Variants in SRGAP1 observed in about 807,000 individuals in gnomAD.
SRGAP1 encodes the protein SLIT-ROBO Rho GTPase-activating protein 1.
Under a neutral mutation model 121.9 loss-of-function variants are expected in SRGAP1, and 43 were observed. The observed-to-expected ratio is 0.35, with a 90% CI of 0.28 to 0.46. SRGAP1 has a LOEUF of 0.46. SRGAP1 is among the 20% of genes least tolerant of loss of function. The pLI, the probability that SRGAP1 is intolerant of heterozygous loss-of-function variation, is 1.00. For synonymous variants in SRGAP1, 447 were observed against 485.4 expected (o/e 0.92, Z 1.04); for missense variants, 1,102 against 1,350.9 (o/e 0.82, Z 2.89).
chr12:64,007,643 C>T (rs1474296201), intron 3 of SRGAP1, among the ~76,000 whole-genome samples: 1 of 152,100 alleles, frequency 6.6e-6, no homozygotes, highest in Non-Finnish European at 1.5e-5. Flanking sequence ...TATTTGAAGA[C>T]CTGTCATACA....
At chr12:64,032,590 G>GC in intron 4 of SRGAP1, 1 of 643,590 alleles carries the variant, frequency 1.6e-6, no homozygotes, top group Non-Finnish European at 2.6e-6. Flanking sequence ...CATAAGTCCT[G>GC]CCCCCGACAG....
At chr12:63,976,009 T>C (rs1359287284) in intron 1 of SRGAP1, among the ~76,000 whole-genome samples, 4 of 152,194 alleles carry the variant, frequency 2.6e-5, no homozygotes, top group Admixed American at 2.0e-4. Context: ...TATTATTCAT[T>C]TGTATTCTCT....
chr12:63,848,954 G>C (rs2136251014), intron 1 of SRGAP1, among the ~76,000 whole-genome samples: 1 of 152,278 alleles, frequency 6.6e-6, no homozygotes, highest in African/African-American at 2.4e-5. Flanking sequence ...CACATGCAGA[G>C]AAATGTAGCA....
At chr12:64,118,776 C>T (rs1209343639) in intron 18 of SRGAP1, among the ~76,000 whole-genome samples, 3 of 152,020 alleles carry the variant, frequency 2.0e-5, no homozygotes, top group African/African-American at 7.3e-5. Flanking sequence ...TGCTGGAGTG[C>T]AGTGGCATGA....
At chr12:63,894,542 A>G (rs1169646545) in intron 1 of SRGAP1, among the ~76,000 whole-genome samples, 2 of 151,320 alleles carry the variant, frequency 1.3e-5, no homozygotes, top group East Asian at 3.9e-4. Flanking sequence ...TTACATATGT[A>G]TATATGTGCC....
intron 1 of SRGAP1, among the ~76,000 whole-genome samples, chr12:63,889,085 A>G (rs917471540): frequency 1.1e-4 from 16 of 152,300 alleles, no homozygotes; most frequent in East Asian, 7.7e-4. Flanking sequence ...TCATCTGCAC[A>G]TGCTGTTCCC....
chr12:64,097,100 A>G, intron 14 of SRGAP1, 141 bp from the exon 15 acceptor site: 1 of 835,292 alleles, frequency 1.2e-6, no homozygotes, highest in Non-Finnish European at 1.7e-6. Flanking sequence ...CAATTATTTT[A>G]ATTTTAGTAC....
At chr12:64,084,973 AT>A (rs2035912061) in intron 10 of SRGAP1, among the ~76,000 whole-genome samples, 1 of 152,150 alleles carries the variant, frequency 6.6e-6, no homozygotes, top group Non-Finnish European at 1.5e-5. Flanking sequence ...GGCAGACAGA[AT>A]TGTAAGCCAT....
At chr12:64,112,057 AG>A in intron 17 of SRGAP1, 71 bp downstream of exon 17, 1 of 1,285,468 alleles carries the variant, frequency 7.8e-7, no homozygotes, top group Non-Finnish European at 1.1e-6. Flanking sequence ...TTTGATTAGA[AG>A]AAAGAGTTTC....
At chr12:63,973,524 A>T (rs1272023657) in intron 1 of SRGAP1, among the ~76,000 whole-genome samples, 1 of 152,214 alleles carries the variant, frequency 6.6e-6, no homozygotes, top group Non-Finnish European at 1.5e-5. Flanking sequence ...AATGAGATAA[A>T]CTGTATCAAG....
intron 1 of SRGAP1, among the ~76,000 whole-genome samples, chr12:63,847,103 C>T (rs1445747321): frequency 6.6e-6 from 1 of 152,110 alleles, no homozygotes; most frequent in South Asian, 2.1e-4. Flanking sequence ...CTGAGGCAGG[C>T]GGATCACTTG....
In SRGAP1 at chr12:64,053,168, T is replaced by C. The variant is rs531677375; in HGVS notation, c.801+9593T>C. Among the ~76,000 whole-genome samples, 5 of 152,326 alleles carry C rather than the reference T, an allele frequency of 3.3e-5. No individual in the cohort carries two copies. The South Asian group carries it at 1.0e-3, about 32-fold the overall frequency. On this transcript the variant is annotated intron_variant, in intron 6 of 21. Transcript: ENST00000355086. ...TCACATTGCCTTTGGCATTGGTCAC[T>C]ATGCTTGAGAGCAAGGGTGGATAAA...
intron 1 of SRGAP1, among the ~76,000 whole-genome samples, chr12:63,943,692 A>G (rs1368690395): frequency 6.6e-6 from 1 of 152,110 alleles, no homozygotes; most frequent in Non-Finnish European, 1.5e-5. Context: ...TTGGTTTGCA[A>G]TATGTTAAAT....
chr12:63,911,633 G>A (rs1250326763), intron 1 of SRGAP1, among the ~76,000 whole-genome samples: 2 of 152,342 alleles, frequency 1.3e-5, no homozygotes, highest in African/African-American at 2.4e-5. Flanking sequence ...GTGGCACCAC[G>A]TTGCTAATTC....
chr12:63,929,780 T>G lies in SRGAP1; in HGVS notation c.68-54167T>G, dbSNP rs182988060. On this transcript the variant is annotated intron_variant, in intron 1 of 21. Coordinates refer to ENST00000355086, the MANE Select transcript of SRGAP1 (RefSeq NM_020762.4). ...TAGAGTAAACTGTTCTTTTCAGAAT[T>G]GTGTAGTTAGCTAAACTATAATTCA... Among the ~76,000 whole-genome samples, 221 of 152,286 alleles carry G rather than the reference T, an allele frequency of 1.5e-3. 3 individuals are homozygous for G. Among genetic ancestry groups the G allele is most frequent in the Non-Finnish European group, 6.6e-4 (45 of 68,012 alleles).
chr12:64,094,867 C>G, intron 12 of SRGAP1, 65 bp from the exon 13 acceptor site: 3 of 1,437,208 alleles, frequency 2.1e-6, no homozygotes, highest in Non-Finnish European at 2.9e-6. Context: ...AAACTCTAAG[C>G]CTTATTATTA....
At chr12:63,975,332 C>T (rs1440248410) in intron 1 of SRGAP1, among the ~76,000 whole-genome samples, 1 of 152,166 alleles carries the variant, frequency 6.6e-6, no homozygotes, top group Non-Finnish European at 1.5e-5. Context: ...TCCTCAAGGA[C>T]CCGTTCCTAT....
intron 1 of SRGAP1, among the ~76,000 whole-genome samples, chr12:63,924,149 C>T (rs1450947426): frequency 1.3e-5 from 2 of 151,910 alleles, no homozygotes; most frequent in African/African-American, 4.8e-5. Flanking sequence ...CAGAGAAAGA[C>T]CCCATTTAAA....
intron 18 of SRGAP1, among the ~76,000 whole-genome samples, chr12:64,122,482 G>T (rs2036618998): frequency 6.6e-6 from 1 of 152,180 alleles, no homozygotes; most frequent in African/African-American, 2.4e-5. Context: ...AAATTGCTGA[G>T]AATTACTAGT....
Sources: gnomAD v4.1 joint callset for allele counts (sites outside exome capture counted in the v4.1 genomes callset) on GRCh38, gnomAD v4.1.1 for gene constraint, MANE v1.5 for transcripts, NCBI Gene and HGNC (gene_info 2026-07-23, HGNC 2026-07-21) for gene names.